HIBADH: variants seen among roughly 807,000 people sequenced by gnomAD.
HIBADH encodes the protein 3-hydroxyisobutyrate dehydrogenase, mitochondrial.
In HIBADH, 25 loss-of-function variants were observed where a neutral mutation model predicts 36.1. The ratio of observed to expected loss-of-function variants is 0.69; its 90% CI spans 0.50 to 0.97. The LOEUF (loss-of-function observed/expected upper bound fraction) is 0.97, where lower values mean the gene tolerates loss of function less well. Ranked by LOEUF, HIBADH falls within the 50% of genes least tolerant of loss-of-function variation. HIBADH has a pLI of 0.00. For missense variants in HIBADH, 421 were observed against 418.0 expected (o/e 1.01, Z -0.06); for synonymous variants, 160 against 149.5 (o/e 1.07, Z -0.51).
intron 4 of HIBADH, 34 bp downstream of exon 4, chr7:27,629,337 A>G (rs1159366323): frequency 2.5e-6 from 4 of 1,596,092 alleles, no homozygotes; most frequent in Non-Finnish European, 3.4e-6. Flanking sequence ...TGACAAACAT[A>G]AATAGGTTTG....
intron 4 of HIBADH, among the ~76,000 whole-genome samples, chr7:27,619,557 A>G (rs1022434712): frequency 1.3e-5 from 2 of 152,202 alleles, no homozygotes; most frequent in Non-Finnish European, 2.9e-5. Context: ...AACACAATGC[A>G]AACAAATCAG....
intron 1 of HIBADH, among the ~76,000 whole-genome samples, chr7:27,651,009 G>C (rs1470291655): frequency 6.6e-6 from 1 of 152,146 alleles, no homozygotes; most frequent in East Asian, 1.9e-4. Context: ...AGGGAAAAGA[G>C]AGAAGTAACT....
chr7:27,565,491 AAATATGATG>A (rs1198756290), intron 4 of HIBADH, among the ~76,000 whole-genome samples: 1 of 152,192 alleles, frequency 6.6e-6, no homozygotes, highest in African/African-American at 2.4e-5. Context: ...TAGTATAGAG[AAATATGATG>A]AATTTCTGTA....
intron 2 of HIBADH, among the ~76,000 whole-genome samples, chr7:27,644,556 C>A (rs538394873): frequency 2.7e-5 from 4 of 146,380 alleles, no homozygotes; most frequent in African/African-American, 7.7e-5. Flanking sequence ...GCCAAGATTG[C>A]GCCACTGCAC....
chr7:27,568,905 C>CTT (rs70994660), intron 4 of HIBADH, among the ~76,000 whole-genome samples: 59 of 144,658 alleles, frequency 4.1e-4, no homozygotes, highest in East Asian at 1.0e-3. Flanking sequence ...TTTCAGCCAC[C>CTT]TTTTTTTTTT....
intron 4 of HIBADH, among the ~76,000 whole-genome samples, chr7:27,597,327 A>G (rs1190550823): frequency 1.3e-5 from 2 of 152,132 alleles, no homozygotes; most frequent in African/African-American, 2.4e-5. Flanking sequence ...CTAAATAAAT[A>G]TTTTTTAAGC....
intron 4 of HIBADH, among the ~76,000 whole-genome samples, chr7:27,568,156 T>C (rs1784575439): frequency 6.6e-6 from 1 of 152,240 alleles, no homozygotes; most frequent in Non-Finnish European, 1.5e-5. Flanking sequence ...TGCAGTTCTA[T>C]AGTTCTCTCT....
intron 4 of HIBADH, among the ~76,000 whole-genome samples, chr7:27,611,727 G>A (rs952230945): frequency 1.3e-5 from 2 of 152,102 alleles, no homozygotes; most frequent in Admixed American, 6.5e-5. Flanking sequence ...TTAGACATAC[G>A]GGGAGTCAGG....
rs36140938 is a variant in HIBADH, at chr7:27,548,196, T to TAAAAA, written c.485-5101_485-5097dup. On this transcript the variant is annotated intron_variant, in intron 4 of 7. Transcript: ENST00000265395. The stretch of plus-strand genomic sequence containing the variant: ...CCTCTAAGTCAGCCTCTCTCTCTCT[T>TAAAAA]AAAAAAAAAAAAAAGTATCATAGAG... Among the ~76,000 whole-genome samples, 215 of 144,226 alleles carry TAAAAA rather than the reference T, an allele frequency of 1.5e-3. 3 individuals are homozygous for TAAAAA. Among genetic ancestry groups the TAAAAA allele is most frequent in the African/African-American group, 5.3e-3 (206 of 38,688 alleles). 94.6% of individuals were successfully genotyped at this position (144,226 alleles called of 152,430 possible). A position where few individuals can be genotyped will look rare whatever the true frequency, so the allele number is the denominator to read the frequency against.
chr7:27,600,360 A>T (rs939688001), intron 4 of HIBADH, among the ~76,000 whole-genome samples: 3 of 152,208 alleles, frequency 2.0e-5, no homozygotes, highest in Non-Finnish European at 4.4e-5. Context: ...AGGCAAAGCT[A>T]AACTTGACCT....
At chr7:27,558,922 C>T in intron 4 of HIBADH, among the ~76,000 whole-genome samples, 1 of 152,084 alleles carries the variant, frequency 6.6e-6, no homozygotes, top group East Asian at 1.9e-4. Context: ...ATTAGTTTGC[C>T]AGGGCCATCA....
In HIBADH at chr7:27,638,323, AAAAAAAAC is replaced by A. The variant is rs1293027717; in HGVS notation, c.253-5886_253-5879del. 2.2e-3 allele frequency among the ~76,000 whole-genome samples: 327 copies of A among 148,788 alleles called. 2 individuals carry two copies. The highest frequency in any genetic ancestry group is 7.6e-3 in the African/African-American group (310 of 40,796). On this transcript the variant is annotated intron_variant, in intron 2 of 7. Transcript: ENST00000265395. ...TTGGCAAAGTCAAAAAAAAAAAAAA[AAAAAAAAC>A]AAGCAATAAGGAAAGGACTCCCTAT...
intron 2 of HIBADH, among the ~76,000 whole-genome samples, chr7:27,645,934 G>C (rs117719460): frequency 0.011 from 1,618 of 152,040 alleles, 19 homozygotes; most frequent in Non-Finnish European, 0.017. Flanking sequence ...GTGTTCTCTG[G>C]AGCACAAGTT....
chr7:27,656,001 T>C (rs1305555413), intron 1 of HIBADH, among the ~76,000 whole-genome samples: 4 of 152,182 alleles, frequency 2.6e-5, no homozygotes, highest in Admixed American at 2.6e-4. Context: ...AAAACATGCA[T>C]ACTCTTTGAC....
chr7:27,657,807 C>A (rs1786334126), intron 1 of HIBADH, among the ~76,000 whole-genome samples: 1 of 152,060 alleles, frequency 6.6e-6, no homozygotes, highest in Non-Finnish European at 1.5e-5. Flanking sequence ...TAGATGTATA[C>A]CATTGAAGTT....
chr7:27,649,381 T>C (rs1027496888), intron 2 of HIBADH, 92 bp downstream of exon 2: 13 of 937,718 alleles, frequency 1.4e-5, no homozygotes, highest in Non-Finnish European at 2.0e-5. Flanking sequence ...TACAACTCCA[T>C]TGGGTATACT....
chr7:27,567,278 ATGTCCT>A (rs1327691439), intron 4 of HIBADH, among the ~76,000 whole-genome samples: 2 of 152,096 alleles, frequency 1.3e-5, no homozygotes, highest in Admixed American at 1.3e-4. Flanking sequence ...TCATTATGTA[ATGTCCT>A]TCTATACCTT....
In HIBADH at chr7:27,615,592, G is replaced by A. The variant is rs900043372; in HGVS notation, c.484+13779C>T. 1.5e-3 allele frequency among the ~76,000 whole-genome samples: 227 copies of A among 152,074 alleles called. 3 individuals are homozygous for A. Among genetic ancestry groups the A allele is most frequent in the Admixed American group, 0.014 (221 of 15,272 alleles). ...TGAAAAATTCCAGTCACCTAGTAAT[G>A]TCACAGCACAATGCATTATTCATGT... is the stretch of plus-strand genomic sequence containing the variant. On this transcript the variant is annotated intron_variant, in intron 4 of 7. Transcript: ENST00000265395.
chr7:27,654,931 T>C (rs1786270028), intron 1 of HIBADH, among the ~76,000 whole-genome samples: 3 of 152,132 alleles, frequency 2.0e-5, no homozygotes, highest in Admixed American at 2.0e-4. Flanking sequence ...AAGCAATCAG[T>C]GGGCCTCAGC....
Sources: allele counts gnomAD v4.1 joint callset (sites outside exome capture counted in the v4.1 genomes callset), GRCh38; gene constraint gnomAD v4.1.1; transcripts MANE v1.5; gene names NCBI Gene and HGNC (gene_info 2026-07-23, HGNC 2026-07-21).